The following MED13L variants were observed in gnomAD, a reference collection of about 807,000 sequenced individuals.
MED13L encodes mediator of RNA polymerase II transcription subunit 13-like.
Under a neutral mutation model 220.9 loss-of-function variants are expected in MED13L, and 7 were observed. That is an observed-to-expected ratio of 0.03 (90% CI 0.02 to 0.06). The LOEUF (loss-of-function observed/expected upper bound fraction) is 0.06, where lower values mean the gene tolerates loss of function less well. Among genes scored for constraint, MED13L ranks in the 10% least tolerant of loss-of-function variants. The pLI is 1.00. For missense variants in MED13L, 1,965 were observed against 2,760.5 expected, an observed-to-expected ratio of 0.71 and a Z score of 6.46; for synonymous variants, 1,011 against 1,015.2, an observed-to-expected ratio of 1.00 and a Z score of 0.08.
chr12:116,009,387 G>C (rs1167641566), intron 9 of MED13L, among the ~76,000 whole-genome samples: 2 of 152,030 alleles, frequency 1.3e-5, no homozygotes, highest in Non-Finnish European at 1.5e-5. Context: ...ACAAATCACT[G>C]ATTCAAAAAA....
intron 4 of MED13L, among the ~76,000 whole-genome samples, chr12:116,061,239 GTTTT>G (rs1003763634): frequency 1.3e-5 from 2 of 151,596 alleles, no homozygotes; most frequent in Non-Finnish European, 2.9e-5. Context: ...AACATTAACT[GTTTT>G]TTTTAATTCC....
chr12:115,987,427 G>A, intron 17 of MED13L, 139 bp from the exon 18 acceptor site: 1 of 748,874 alleles, frequency 1.3e-6, no homozygotes, highest in South Asian at 1.7e-5. Flanking sequence ...TGACTTAGGA[G>A]TCAGGAGGAA....
At chr12:116,119,782 A>C (rs940712921) in intron 2 of MED13L, among the ~76,000 whole-genome samples, 1 of 136,952 alleles carries the variant, frequency 7.3e-6, no homozygotes, top group Admixed American at 7.9e-5. Context: ...ACTCCAGCCT[A>C]GGCAAGAGAG....
chr12:115,982,315 C>T (rs1258592206), intron 22 of MED13L, 69 bp downstream of exon 22: 1 of 1,455,788 alleles, frequency 6.9e-7, no homozygotes, highest in South Asian at 1.2e-5. Flanking sequence ...AAATCATAGG[C>T]CTGTATTTAT....
chr12:116,010,192 T>C (rs1056351181), intron 9 of MED13L, among the ~76,000 whole-genome samples: 7 of 152,140 alleles, frequency 4.6e-5, no homozygotes, highest in African/African-American at 1.4e-4. Context: ...CTGCAGCAGA[T>C]AATCTGCAAA....
chr12:116,016,048 TTAC>T (rs1218600746), intron 7 of MED13L, among the ~76,000 whole-genome samples: 26 of 152,172 alleles, frequency 1.7e-4, no homozygotes, highest in Admixed American at 1.7e-3. Context: ...TTTGAGTATT[TTAC>T]TACTTCTATC....
chr12:115,981,385 T>C (rs761299382), intron 22 of MED13L, among the ~76,000 whole-genome samples: 5 of 152,260 alleles, frequency 3.3e-5, no homozygotes, highest in Non-Finnish European at 7.3e-5. Context: ...CTGATAACTT[T>C]AATTTCAATC....
chr12:115,986,424 G>C lies in MED13L; in HGVS notation c.4180C>G (p.Leu1394Val), dbSNP rs1444616367. 1.4e-5 allele frequency: 22 copies of C among 1,614,104 alleles called. No individual in the cohort carries two copies. Among genetic ancestry groups the C allele is most frequent in the Non-Finnish European group, 1.9e-5 (22 of 1,180,006 alleles). Residue 1394 changes from leucine to valine, a missense_variant, in exon 19 of 31, where the codon CTC becomes GTC. By Grantham distance (32) the Leu-to-Val change is conservative (BLOSUM62 1). This residue lies in a region of MED13L where 510 missense variants were observed against 620.4 expected (regional missense o/e 0.82). Coordinates refer to ENST00000281928, the MANE Select transcript of MED13L (RefSeq NM_015335.5). ...GGCAAGGAGAATGGCGAGATGGTGAGGAAATCCTTGTCATAGCCTACCAGC... is the reference window on the plus strand; with the variant it reads ...GGCAAGGAGAATGGCGAGATGGTGACGAAATCCTTGTCATAGCCTACCAGC... ...TLLVGYDKDF[L>V]TISPFSLPFW...
Position 115,984,399 on chromosome 12 carries a change from T to A in MED13L, c.4339-27A>T. 3.1e-6 allele frequency: 5 copies of A among 1,612,150 alleles called. No individual in the cohort carries two copies. In the East Asian group the frequency reaches 1.1e-4, roughly 36 times the overall value. ...TGATATCATAGACAAGATCATTAGTTATAACAGGAGCCATTCCTTCATTCA... is the reference window on the plus strand; with the variant it reads ...TGATATCATAGACAAGATCATTAGTAATAACAGGAGCCATTCCTTCATTCA... On this transcript the variant is annotated intron_variant, in intron 19 of 30. Coordinates refer to ENST00000281928, the MANE Select transcript of MED13L (RefSeq NM_015335.5).
chr12:116,078,347 TATA>T (rs1870977250), intron 4 of MED13L, among the ~76,000 whole-genome samples: 1 of 152,182 alleles, frequency 6.6e-6, no homozygotes, highest in Non-Finnish European at 1.5e-5. Context: ...AATTTCTACA[TATA>T]ATTTCTACAT....
intron 11 of MED13L, chr12:116,007,157 T>C: frequency 1.9e-6 from 1 of 514,440 alleles, no homozygotes; most frequent in East Asian, 3.5e-5. Flanking sequence ...AGAGAAAACA[T>C]GCACTGTACA....
chr12:116,123,662 G>C (rs745505228), intron 2 of MED13L, among the ~76,000 whole-genome samples: 12 of 152,100 alleles, frequency 7.9e-5, no homozygotes, highest in Non-Finnish European at 1.3e-4. Flanking sequence ...TCAAACAGTT[G>C]TCTGTCACTG....
chr12:115,968,932 A>G lies in MED13L; in HGVS notation c.6225+8T>C. On this transcript the variant is annotated splice_region_variant and intron_variant, in intron 28 of 30. Transcript: ENST00000281928. ...TGTCTTAAACAACGTACTCCAAATC[A>G]TCCTTACCCGACTATGCTGGAAGTG... 1.2e-6 allele frequency: 2 copies of G among 1,613,908 alleles called. No homozygotes were observed. Among genetic ancestry groups the G allele is most frequent in the Non-Finnish European group, 1.7e-6 (2 of 1,179,888 alleles).
At chr12:116,275,365 T>C (rs773794367) in intron 1 of MED13L, among the ~76,000 whole-genome samples, 3 of 152,178 alleles carry the variant, frequency 2.0e-5, no homozygotes, top group Non-Finnish European at 4.4e-5. Context: ...TTCCAACTTA[T>C]AAATGAATTT....
chr12:116,121,376 C>A (rs1875080290), intron 2 of MED13L, among the ~76,000 whole-genome samples: 1 of 151,964 alleles, frequency 6.6e-6, no homozygotes, highest in Admixed American at 6.6e-5. Context: ...AGAAAAGGTT[C>A]AGGGAGAAAA....
intron 20 of MED13L, 50 bp downstream of exon 20, chr12:115,984,130 T>C (rs1877524794): frequency 6.4e-7 from 1 of 1,568,368 alleles, no homozygotes; most frequent in Non-Finnish European, 8.7e-7. Flanking sequence ...TGGGACGGAT[T>C]TGCTATTTTA....
At chr12:116,141,817 C>A (rs902113208) in intron 2 of MED13L, among the ~76,000 whole-genome samples, 2 of 152,098 alleles carry the variant, frequency 1.3e-5, no homozygotes, top group Non-Finnish European at 2.9e-5. Flanking sequence ...CATGAGCTAA[C>A]TGGGTCTGCT....
intron 4 of MED13L, among the ~76,000 whole-genome samples, chr12:116,048,794 C>T (rs999492305): frequency 2.6e-5 from 4 of 152,144 alleles, no homozygotes; most frequent in Non-Finnish European, 5.9e-5. Flanking sequence ...AAGTTACAGA[C>T]AGCCATTACC....
intron 2 of MED13L, among the ~76,000 whole-genome samples, chr12:116,178,536 A>C (rs756748531): frequency 4.9e-4 from 75 of 152,240 alleles, no homozygotes; most frequent in African/African-American, 1.7e-3. Flanking sequence ...TTCCCTATTC[A>C]TGTTAAAAGT....
Sources: gnomAD v4.1 joint callset for allele counts (sites outside exome capture counted in the v4.1 genomes callset) on GRCh38, gnomAD v4.1.1 for gene constraint, gnomAD v4.1.1 regional missense constraint, MANE v1.5 for transcripts, NCBI Gene and HGNC (gene_info 2026-07-23, HGNC 2026-07-21) for gene names.